MEAK7: variants seen among roughly 807,000 people sequenced by gnomAD.
MEAK7 encodes MTOR-associated protein MEAK7.
In MEAK7, 68 loss-of-function variants were observed where a neutral mutation model predicts 40.5. The ratio of observed to expected loss-of-function variants is 1.68; its 90% CI spans 1.38 to 2.06. MEAK7 has a LOEUF of 2.06. Among genes scored for constraint, MEAK7 ranks in the 30% most tolerant of loss-of-function variants. The pLI, the probability that MEAK7 is intolerant of heterozygous loss-of-function variation, is 0.00. For synonymous variants in MEAK7, 338 were observed against 231.9 expected (o/e 1.46, Z -4.16); for missense variants, 918 against 580.5 (o/e 1.58, Z -5.98).
chr16:84,495,844 G>T lies in MEAK7; in HGVS notation c.223C>A (p.Leu75Met). 1 of 1,614,056 alleles carries T rather than the reference G, an allele frequency of 6.2e-7. No homozygotes were observed. The change falls in exon 3 of 8, where the codon CTG becomes ATG. Residue 75 changes from leucine to methionine, a missense_variant. Leu to Met is a conservative substitution (Grantham distance 15). Coordinates refer to ENST00000343629, the MANE Select transcript of MEAK7 (RefSeq NM_020947.4). ...CTGGGTCCCTTCGCCTTCCCTGTCAGGTCGACCCTCCGCATGCCATCATAC... is the reference window on the plus strand; with the variant it reads ...CTGGGTCCCTTCGCCTTCCCTGTCATGTCGACCCTCCGCATGCCATCATAC... ...RLYDGMRRVD[L>M]TGKAKGPSEN...
intron 6 of MEAK7, among the ~76,000 whole-genome samples, chr16:84,480,974 C>T (rs1304607032): frequency 6.6e-6 from 1 of 152,212 alleles, no homozygotes; most frequent in Non-Finnish European, 1.5e-5. Flanking sequence ...TGGCTGAAAG[C>T]ACAAGTGACA....
At chr16:84,487,086 G>T (rs768214622) in intron 4 of MEAK7, 27 bp from the exon 5 acceptor site, 2 of 1,588,364 alleles carry the variant, frequency 1.3e-6, no homozygotes, top group African/African-American at 1.3e-5. Flanking sequence ...GTCAGCATTA[G>T]TGGGGCTGTT....
intron 1 of MEAK7, among the ~76,000 whole-genome samples, chr16:84,502,538 G>C (rs749377161): frequency 6.6e-6 from 1 of 151,962 alleles, no homozygotes; most frequent in Non-Finnish European, 1.5e-5. Flanking sequence ...GCAGAGAAGA[G>C]GCCACCCCAT....
intron 5 of MEAK7, among the ~76,000 whole-genome samples, chr16:84,484,759 G>A (rs1022153777): frequency 2.6e-5 from 4 of 152,146 alleles, no homozygotes; most frequent in East Asian, 1.9e-4. Context: ...CGGACAGCAC[G>A]CTCTCCGAAC....
rs935752422 is a variant in MEAK7, at chr16:84,479,818, A to T, written c.*95T>A. On this transcript the variant is annotated 3_prime_UTR_variant, in exon 8 of 8. Coordinates refer to ENST00000343629, the MANE Select transcript of MEAK7 (RefSeq NM_020947.4). ...GCTGTGACCCGTGCGGTACGCTATT[A>T]CAGTTAAACCATGTGGGAGGGAAGA... 2.2e-6 allele frequency: 2 copies of T among 914,444 alleles called. No homozygotes were observed. Among genetic ancestry groups the T allele is most frequent in the Non-Finnish European group, 3.2e-6 (2 of 621,296 alleles). The allele number at this position is 914,444 out of a possible 1,614,324, so 56.6% of individuals were successfully genotyped here. A position where few individuals can be genotyped will look rare whatever the true frequency, so the allele number is the denominator to read the frequency against.
At chr16:84,483,850 G>C (rs542882583) in intron 5 of MEAK7, among the ~76,000 whole-genome samples, 1 of 152,218 alleles carries the variant, frequency 6.6e-6, no homozygotes, top group African/African-American at 2.4e-5. Flanking sequence ...GTACGGAACA[G>C]TGGGGCTTGA....
rs1044874 is a variant in MEAK7, at chr16:84,478,972, G to A, written c.*941C>T. On this transcript the variant is annotated 3_prime_UTR_variant, in exon 8 of 8. Coordinates refer to ENST00000343629, the MANE Select transcript of MEAK7 (RefSeq NM_020947.4). ...AGTTCCCAAACTTAGGGTGCCCAATGTCCCTCACCTTGAAGTTAGCAAGAG... is the reference window on the plus strand; with the variant it reads ...AGTTCCCAAACTTAGGGTGCCCAATATCCCTCACCTTGAAGTTAGCAAGAG... The A allele has an allele frequency of 0.17, 25,719 of 152,236 alleles. 2,294 individuals carry two copies. The highest frequency in any genetic ancestry group is 0.2 in the Admixed American group (2,985 of 15,290). The allele number at this position is 152,236 out of a possible 1,614,324, so 9.4% of individuals were successfully genotyped here. A position where few individuals can be genotyped will look rare whatever the true frequency, so the allele number is the denominator to read the frequency against.
chr16:84,498,683 TG>T (rs1383799698), intron 1 of MEAK7, among the ~76,000 whole-genome samples: 4 of 152,108 alleles, frequency 2.6e-5, no homozygotes, highest in Non-Finnish European at 5.9e-5. Flanking sequence ...TCACAAAGTC[TG>T]GGTTTGAGAA....
At position 84,492,685 on chromosome 16, in the gene MEAK7, G is replaced by A. The variant is rs192896499; in HGVS notation, c.384+2998C>T. 1.4e-4 allele frequency among the ~76,000 whole-genome samples: 21 copies of A among 152,148 alleles called. 3 individuals carry two copies. Among genetic ancestry groups the A allele is most frequent in the South Asian group, 4.1e-4 (2 of 4,820 alleles). On this transcript the variant is annotated intron_variant, in intron 3 of 7. Transcript: ENST00000343629. ...CAACCTCCACCTCTCGAGTTCAAGCGATTCTCCTGCCTTGGCCTCCCGAGT... is the reference window on the plus strand; with the variant it reads ...CAACCTCCACCTCTCGAGTTCAAGCAATTCTCCTGCCTTGGCCTCCCGAGT...
At chr16:84,496,599 C>T (rs1437890040) in intron 2 of MEAK7, among the ~76,000 whole-genome samples, 1 of 152,174 alleles carries the variant, frequency 6.6e-6, no homozygotes, top group Non-Finnish European at 1.5e-5. Context: ...AGTAGTATCA[C>T]AGGAAAATAA....
intron 1 of MEAK7, among the ~76,000 whole-genome samples, chr16:84,499,311 T>C (rs1914309174): frequency 6.6e-6 from 1 of 152,166 alleles, no homozygotes; most frequent in South Asian, 2.1e-4. Flanking sequence ...GGAAACCCAG[T>C]GTCAATGAGA....
In MEAK7 at chr16:84,476,670, G is replaced by A. The variant is rs887426001; in HGVS notation, c.*3243C>T. ...ATCACGCAGTCCATAAAGACAAGAG[G>A]GAGGCAGGTGGGTGGTTACGGACCT... On this transcript the variant is annotated 3_prime_UTR_variant, in exon 8 of 8. Coordinates refer to ENST00000343629, the MANE Select transcript of MEAK7 (RefSeq NM_020947.4). 2 of 152,158 alleles carry A rather than the reference G, an allele frequency of 1.3e-5. No homozygotes were observed. Among genetic ancestry groups the A allele is most frequent in the African/African-American group, 4.8e-5 (2 of 41,432 alleles). 9.4% of individuals were successfully genotyped at this position (152,158 alleles called of 1,614,324 possible).
At chr16:84,497,335 A>T in intron 2 of MEAK7, 1 of 1,116,208 alleles carries the variant, frequency 9.0e-7, no homozygotes, top group African/African-American at 1.6e-5. Context: ...GGGCAGTTTT[A>T]ACTCCCTGCA....
intron 3 of MEAK7, among the ~76,000 whole-genome samples, chr16:84,492,686 A>T (rs1393713804): frequency 1.3e-5 from 2 of 152,042 alleles, no homozygotes; most frequent in Non-Finnish European, 2.9e-5. Context: ...AGTTCAAGCG[A>T]TTCTCCTGCC....
At chr16:84,491,961 A>C (rs1913655513) in intron 3 of MEAK7, among the ~76,000 whole-genome samples, 1 of 152,202 alleles carries the variant, frequency 6.6e-6, no homozygotes, top group Non-Finnish European at 1.5e-5. Context: ...CAGGGCTGTG[A>C]TTCCTAGGGC....
At chr16:84,489,168 AG>A in intron 4 of MEAK7, 109 bp downstream of exon 4, 1 of 1,366,474 alleles carries the variant, frequency 7.3e-7, no homozygotes. Flanking sequence ...AGAAGGTTCG[AG>A]GGCTCACGCA....
chr16:84,497,725 A>C (rs913770301), intron 2 of MEAK7: 3 of 1,383,524 alleles, frequency 2.2e-6, no homozygotes, highest in Non-Finnish European at 3.0e-6. Flanking sequence ...CTATTTTCAC[A>C]CAGTAACGGC....
chr16:84,498,174 T>C lies in MEAK7; in HGVS notation c.-25-63A>G, dbSNP rs501782. ...ATTTAATAATCACAGAAAATAAATG[T>C]TGAGAATTATATGGTCAAGTTAATA... On this transcript the variant is annotated intron_variant, in intron 1 of 7. Transcript: ENST00000343629. The C allele has an allele frequency of 0.57, 853,737 of 1,509,320 alleles. 242,797 individuals are homozygous for C. The highest frequency in any genetic ancestry group is 0.65 in the South Asian group (48,231 of 74,616). The allele number at this position is 1,509,320 out of a possible 1,614,324, so 93.5% of individuals were successfully genotyped here. A position where few individuals can be genotyped will look rare whatever the true frequency, so the allele number is the denominator to read the frequency against.
intron 1 of MEAK7, among the ~76,000 whole-genome samples, chr16:84,502,229 A>G (rs1014965249): frequency 2.6e-5 from 4 of 151,982 alleles, no homozygotes; most frequent in African/African-American, 9.7e-5. Context: ...CGACTGGAGC[A>G]GTTTCGTCCC....
Sources: allele counts gnomAD v4.1 joint callset (sites outside exome capture counted in the v4.1 genomes callset), GRCh38; gene constraint gnomAD v4.1.1; transcripts MANE v1.5; gene names NCBI Gene and HGNC (gene_info 2026-07-23, HGNC 2026-07-21).